KLHL1: variants seen among roughly 807,000 people sequenced by gnomAD.
KLHL1 encodes kelch like family member 1, also known as kelch-like protein 1.
KLHL1 carries 47 observed loss-of-function variants against 77.7 expected under a neutral mutation model. The observed-to-expected ratio is 0.60, with a 90% CI of 0.48 to 0.77. KLHL1 has a LOEUF of 0.77. Ranked by LOEUF, KLHL1 falls within the 30% of genes least tolerant of loss-of-function variation. The pLI, the probability that KLHL1 is intolerant of heterozygous loss-of-function variation, is 0.00. For missense variants in KLHL1, 925 were observed against 910.8 expected, an observed-to-expected ratio of 1.02 and a Z score of -0.20; for synonymous variants, 360 against 325.2, an observed-to-expected ratio of 1.11 and a Z score of -1.15.
chr13:69,738,610 G>GT (rs1169350180), intron 8 of KLHL1, among the ~76,000 whole-genome samples: 5 of 152,058 alleles, frequency 3.3e-5, no homozygotes, highest in East Asian at 1.9e-4. Flanking sequence ...GCAAACACAA[G>GT]TATCAGTAGC....
chr13:69,833,878 C>G (rs937952484), intron 6 of KLHL1, among the ~76,000 whole-genome samples: 1 of 148,680 alleles, frequency 6.7e-6, no homozygotes, highest in African/African-American at 2.5e-5. Flanking sequence ...CACACACACA[C>G]ATATGCCATG....
intron 7 of KLHL1, among the ~76,000 whole-genome samples, chr13:69,774,868 A>C (rs1875749716): frequency 6.6e-6 from 1 of 152,178 alleles, no homozygotes; most frequent in South Asian, 2.1e-4. Flanking sequence ...TTCTATTTGA[A>C]CTTCTACATT....
intron 5 of KLHL1, among the ~76,000 whole-genome samples, chr13:69,865,739 A>G (rs1006345366): frequency 1.3e-5 from 2 of 152,170 alleles, no homozygotes; most frequent in Admixed American, 1.3e-4. Flanking sequence ...ATAGCTGTTG[A>G]GAAAACCTTT....
chr13:70,028,657 C>T lies in KLHL1; in HGVS notation c.498-52855G>A, dbSNP rs1886015024. ...AGATATTAATGAGGGAACAATTTTT[C>T]AGGGAGCATTAGTGGGTATAATCAA... On this transcript the variant is annotated intron_variant, in intron 1 of 10. Transcript: ENST00000377844. Among the ~76,000 whole-genome samples, 3 of 152,020 alleles carry T rather than the reference C, an allele frequency of 2.0e-5. 1 individual carries two copies. The South Asian group carries it at 6.2e-4, about 32-fold the overall frequency.
intron 4 of KLHL1, among the ~76,000 whole-genome samples, chr13:69,893,453 C>G (rs944917141): frequency 1.2e-4 from 18 of 151,952 alleles, no homozygotes; most frequent in Non-Finnish European, 2.9e-5. Context: ...CCAGGATGGT[C>G]TTGATCTCCT....
chr13:69,965,372 C>T (rs748499017), intron 2 of KLHL1, among the ~76,000 whole-genome samples: 2 of 152,090 alleles, frequency 1.3e-5, no homozygotes, highest in Non-Finnish European at 2.9e-5. Context: ...TTTGATGTTA[C>T]AATTGTTCTT....
intron 8 of KLHL1, among the ~76,000 whole-genome samples, chr13:69,738,081 T>C (rs1228573556): frequency 1.3e-5 from 2 of 152,034 alleles, no homozygotes; most frequent in African/African-American, 2.4e-5. Context: ...TGATGGTATC[T>C]CCAGGGGCGG....
At chr13:70,100,749 GAAGAA>G (rs1887905721) in intron 1 of KLHL1, among the ~76,000 whole-genome samples, 1 of 152,122 alleles carries the variant, frequency 6.6e-6, no homozygotes, top group South Asian at 2.1e-4. Context: ...TATCTTAAAT[GAAGAA>G]AAGTAAACTA....
intron 1 of KLHL1, among the ~76,000 whole-genome samples, chr13:70,095,159 G>A (rs996991021): frequency 2.0e-5 from 3 of 152,082 alleles, no homozygotes; most frequent in African/African-American, 7.2e-5. Context: ...CATAATGAAT[G>A]GTATCGGTTA....
Position 69,940,077 on chromosome 13 carries a change from C to A in KLHL1, c.977G>T (p.Cys326Phe). ...GTGGGCCACCTTCATTAACTCAATGCATCCTTGAGCATCTGCGAAGGCTCG... is the reference window on the plus strand; with the variant it reads ...GTGGGCCACCTTCATTAACTCAATGAATCCTTGAGCATCTGCGAAGGCTCG... ...GIRAFADAQG[C>F]IELMKVAHSY... Residue 326 changes from cysteine (C) to phenylalanine (F), a missense_variant, in exon 4 of 11, where the codon TGC (cysteine) becomes TTC (phenylalanine). By Grantham distance (205) the Cys-to-Phe change is radical (BLOSUM62 -2). Transcript: ENST00000377844. The A allele has an allele frequency of 6.2e-7, 1 of 1,611,158 alleles. No individual in the cohort carries two copies. Among genetic ancestry groups the A allele is most frequent in the Non-Finnish European group, 8.5e-7 (1 of 1,178,748 alleles).
chr13:69,916,687 G>T (rs938561044), intron 4 of KLHL1, among the ~76,000 whole-genome samples: 1 of 151,344 alleles, frequency 6.6e-6, no homozygotes, highest in African/African-American at 2.4e-5. Flanking sequence ...ACATGTATAC[G>T]TATGTAACAA....
intron 1 of KLHL1, among the ~76,000 whole-genome samples, chr13:69,978,299 C>G (rs1234394874): frequency 6.6e-6 from 1 of 151,310 alleles, no homozygotes; most frequent in African/African-American, 2.4e-5. Flanking sequence ...CAAAACTGCT[C>G]CAAAAGGAAA....
At chr13:69,781,562 G>A (rs1876210353) in intron 7 of KLHL1, among the ~76,000 whole-genome samples, 1 of 151,970 alleles carries the variant, frequency 6.6e-6, no homozygotes, top group Admixed American at 6.6e-5. Context: ...GAATTTCATT[G>A]CTGTTTCATT....
chr13:69,942,721 A>G (rs572296028), intron 3 of KLHL1, among the ~76,000 whole-genome samples: 1 of 152,260 alleles, frequency 6.6e-6, no homozygotes, highest in East Asian at 1.9e-4. Context: ...CTTGAGAGCT[A>G]CTTTCAGCCA....
chr13:70,093,095 TA>T (rs1400565376), intron 1 of KLHL1, among the ~76,000 whole-genome samples: 1 of 152,180 alleles, frequency 6.6e-6, no homozygotes, highest in Admixed American at 6.6e-5. Flanking sequence ...TATTTAACCT[TA>T]AAACATGAAA....
chr13:70,053,133 T>G (rs192605610), intron 1 of KLHL1, among the ~76,000 whole-genome samples: 117 of 152,160 alleles, frequency 7.7e-4, no homozygotes, highest in African/African-American at 2.8e-3. Context: ...GAAATTTAAG[T>G]GTAGTCTTAA....
intron 4 of KLHL1, among the ~76,000 whole-genome samples, chr13:69,887,861 C>G (rs1881276039): frequency 6.6e-6 from 1 of 152,266 alleles, no homozygotes; most frequent in African/African-American, 2.4e-5. Context: ...TTCTAGTATG[C>G]ATTTCAAAAT....
intron 1 of KLHL1, among the ~76,000 whole-genome samples, chr13:69,988,145 C>T (rs1339166198): frequency 2.0e-5 from 3 of 151,838 alleles, no homozygotes; most frequent in African/African-American, 7.3e-5. Context: ...GCCCCAGTGT[C>T]TGTTGTTCTG....
At chr13:69,705,759 G>T (rs1457166639) in intron 10 of KLHL1, among the ~76,000 whole-genome samples, 1 of 151,572 alleles carries the variant, frequency 6.6e-6, no homozygotes, top group Non-Finnish European at 1.5e-5. Flanking sequence ...TTTGCTGTTT[G>T]TAAAATACTA....
Sources: allele counts gnomAD v4.1 joint callset (sites outside exome capture counted in the v4.1 genomes callset), GRCh38; gene constraint gnomAD v4.1.1; transcripts MANE v1.5; gene names NCBI Gene and HGNC (gene_info 2026-07-23, HGNC 2026-07-21).